The following ATG10 variants were observed in gnomAD, a reference collection of about 807,000 sequenced individuals.
ATG10 encodes the protein ubiquitin-like-conjugating enzyme ATG10.
ATG10 carries 30 observed loss-of-function variants against 32.1 expected under a neutral mutation model. That is an observed-to-expected ratio of 0.94 (90% confidence interval 0.70 to 1.27). ATG10 has a LOEUF of 1.27. ATG10 is among the 50% of genes most tolerant of loss of function. The pLI is 0.00. For synonymous variants in ATG10, 87 were observed against 91.5 expected (o/e 0.95, Z 0.28); for missense variants, 233 against 262.3 (o/e 0.89, Z 0.77).
At chr5:82,083,847 G>T (rs1032076495) in intron 3 of ATG10, among the ~76,000 whole-genome samples, 15 of 152,076 alleles carry the variant, frequency 9.9e-5, no homozygotes, top group African/African-American at 3.6e-4. Flanking sequence ...AAAGACCAAA[G>T]GTAGATAAAA....
At chr5:82,205,058 C>G (rs990464790) in intron 5 of ATG10, among the ~76,000 whole-genome samples, 47 of 152,236 alleles carry the variant, frequency 3.1e-4, no homozygotes, top group African/African-American at 9.4e-4. Context: ...CAGAAGTGTA[C>G]GAGGAAACAC....
chr5:82,192,632 T>C (rs1744705904), intron 5 of ATG10, among the ~76,000 whole-genome samples: 1 of 152,220 alleles, frequency 6.6e-6, no homozygotes, highest in African/African-American at 2.4e-5. Flanking sequence ...CAGTGGGTTG[T>C]TATGAGAATT....
chr5:82,054,646 T>A (rs924219311), intron 2 of ATG10, among the ~76,000 whole-genome samples: 2 of 152,222 alleles, frequency 1.3e-5, no homozygotes, highest in Non-Finnish European at 2.9e-5. Context: ...TCCTTCACCC[T>A]CTTATCTCTA....
intron 5 of ATG10, among the ~76,000 whole-genome samples, chr5:82,197,493 T>G (rs147521331): frequency 0.015 from 2,258 of 152,096 alleles, 46 homozygotes; most frequent in African/African-American, 0.051. Context: ...CCTACCTACC[T>G]ACCTACCTGC....
At chr5:82,037,129 CAAAAA>C (rs1159037400) in intron 2 of ATG10, among the ~76,000 whole-genome samples, 6 of 25,798 alleles carry the variant, frequency 2.3e-4, no homozygotes, top group Middle Eastern at 0.026. Flanking sequence ...GACTCTGTCT[CAAAAA>C]AAAAAAAAAA....
At chr5:82,137,311 T>C (rs1310502613) in intron 3 of ATG10, among the ~76,000 whole-genome samples, 1 of 152,230 alleles carries the variant, frequency 6.6e-6, no homozygotes, top group Admixed American at 6.5e-5. Context: ...TTGGAATTTT[T>C]AGCCTTTTTG....
At chr5:81,974,128 ATTTGATTATC>A (rs1760805886) in intron 1 of ATG10, among the ~76,000 whole-genome samples, 1 of 152,162 alleles carries the variant, frequency 6.6e-6, no homozygotes, top group African/African-American at 2.4e-5. Context: ...GATGGGCTTG[ATTTGATTATC>A]TTTGAAACCT....
chr5:82,204,349 A>G (rs1441884018), intron 5 of ATG10, among the ~76,000 whole-genome samples: 1 of 152,210 alleles, frequency 6.6e-6, no homozygotes, highest in Non-Finnish European at 1.5e-5. Context: ...TGAAGTCTTT[A>G]GAGCATTTCT....
chr5:82,212,770 C>A (rs1229149323), intron 5 of ATG10, among the ~76,000 whole-genome samples: 1 of 152,190 alleles, frequency 6.6e-6, no homozygotes, highest in Non-Finnish European at 1.5e-5. Context: ...TCCCACTTCT[C>A]AAGTTCATCC....
At chr5:82,183,708 C>G (rs1336039475) in intron 5 of ATG10, among the ~76,000 whole-genome samples, 1 of 152,152 alleles carries the variant, frequency 6.6e-6, no homozygotes, top group Non-Finnish European at 1.5e-5. Flanking sequence ...AAGTTTCTCT[C>G]TCCATCTTAC....
chr5:82,158,771 A>ACTCAAAG (rs1362396845), intron 3 of ATG10, among the ~76,000 whole-genome samples: 8 of 152,304 alleles, frequency 5.3e-5, no homozygotes, highest in African/African-American at 1.9e-4. Context: ...TACGATTATG[A>ACTCAAAG]TGTTCAGAAC....
chr5:81,999,140 A>G (rs1761758213), intron 2 of ATG10, among the ~76,000 whole-genome samples: 1 of 142,422 alleles, frequency 7.0e-6, no homozygotes, highest in Non-Finnish European at 1.6e-5. Flanking sequence ...AAAAATCCTC[A>G]GCCAAAAAAA....
intron 5 of ATG10, among the ~76,000 whole-genome samples, chr5:82,202,894 T>C (rs1447089962): frequency 6.6e-6 from 1 of 152,096 alleles, no homozygotes; most frequent in African/African-American, 2.4e-5. Context: ...GGGACTACTC[T>C]TTGGGCAGGG....
intron 3 of ATG10, among the ~76,000 whole-genome samples, chr5:82,080,239 T>G (rs1451248089): frequency 6.6e-6 from 1 of 152,200 alleles, no homozygotes; most frequent in African/African-American, 2.4e-5. Context: ...TTTGTTTGAG[T>G]TCTTTGTAGA....
intron 5 of ATG10, among the ~76,000 whole-genome samples, chr5:82,247,111 T>C (rs1747069314): frequency 6.6e-6 from 1 of 152,190 alleles, no homozygotes; most frequent in Non-Finnish European, 1.5e-5. Flanking sequence ...CTATGATGTG[T>C]CTAGGTGTGG....
At chr5:82,095,265 T>G (rs925042343) in intron 3 of ATG10, among the ~76,000 whole-genome samples, 12 of 152,120 alleles carry the variant, frequency 7.9e-5, no homozygotes, top group Admixed American at 4.6e-4. Context: ...CCTTTGTAGG[T>G]AGGGTGATCC....
intron 4 of ATG10, among the ~76,000 whole-genome samples, chr5:82,177,259 A>G (rs1744067713): frequency 6.6e-6 from 1 of 152,160 alleles, no homozygotes; most frequent in Non-Finnish European, 1.5e-5. Flanking sequence ...TTGCACTCAC[A>G]TGGAGAGTAA....
At chr5:82,009,777 T>C in intron 2 of ATG10, 1 of 1,607,202 alleles carries the variant, frequency 6.2e-7, no homozygotes, top group South Asian at 1.1e-5. Flanking sequence ...GCCATTTGTG[T>C]TGGGTCCAGC....
At chr5:81,981,971 T>C (rs1344578280) in intron 1 of ATG10, among the ~76,000 whole-genome samples, 1 of 152,210 alleles carries the variant, frequency 6.6e-6, no homozygotes. Context: ...CTTCTATCCT[T>C]CTAGTCTAAG....
Sources: gnomAD v4.1 joint callset for allele counts (sites outside exome capture counted in the v4.1 genomes callset) on GRCh38, gnomAD v4.1.1 for gene constraint, MANE v1.5 for transcripts, NCBI Gene and HGNC (gene_info 2026-07-23, HGNC 2026-07-21) for gene names.